The following TMEM131 variants were observed in gnomAD, a reference collection of about 807,000 sequenced individuals.
TMEM131 encodes the protein 2610524E03Rik.
Under a neutral mutation model 211.6 loss-of-function variants are expected in TMEM131, and 66 were observed. That is an observed-to-expected ratio of 0.31 (90% CI 0.26 to 0.38). TMEM131 has a LOEUF of 0.38. Among genes scored for constraint, TMEM131 ranks in the 10% least tolerant of loss-of-function variants. TMEM131 has a pLI of 1.00. For synonymous variants in TMEM131, 844 were observed against 841.3 expected (o/e 1.00, Z -0.06); for missense variants, 2,036 against 2,299.3 (o/e 0.89, Z 2.34).
chr2:97,953,098 C>T (rs1678398839), intron 1 of TMEM131, among the ~76,000 whole-genome samples: 1 of 152,070 alleles, frequency 6.6e-6, no homozygotes, highest in Non-Finnish European at 1.5e-5. Flanking sequence ...ATAAAGGAAA[C>T]AAGAGCAAAG....
At chr2:97,894,360 T>G (rs1269878500) in intron 3 of TMEM131, among the ~76,000 whole-genome samples, 2 of 152,136 alleles carry the variant, frequency 1.3e-5, no homozygotes, top group East Asian at 3.9e-4. Flanking sequence ...CTTGGCTACG[T>G]GGGTTCTTTT....
chr2:97,760,968 G>A (rs753312942), intron 36 of TMEM131, 54 bp from the exon 37 acceptor site: 85 of 1,601,322 alleles, frequency 5.3e-5, no homozygotes, highest in Non-Finnish European at 6.8e-5. Flanking sequence ...GCCCTGTCTC[G>A]GGGAGGTGTG....
intron 12 of TMEM131, among the ~76,000 whole-genome samples, chr2:97,816,384 C>T (rs1180797826): frequency 6.6e-6 from 1 of 152,124 alleles, no homozygotes; most frequent in Non-Finnish European, 1.5e-5. Context: ...TAAGGAATTA[C>T]AGAAATTGAT....
chr2:97,846,631 C>A (rs1559397811), intron 5 of TMEM131, among the ~76,000 whole-genome samples: 1 of 152,122 alleles, frequency 6.6e-6, no homozygotes, highest in African/African-American at 2.4e-5. Flanking sequence ...GAATTGGGCC[C>A]AACACAAATT....
At chr2:97,956,482 A>C (rs566058139) in intron 1 of TMEM131, among the ~76,000 whole-genome samples, 10 of 152,150 alleles carry the variant, frequency 6.6e-5, no homozygotes, top group Admixed American at 3.9e-4. Flanking sequence ...TCAGGGTACA[A>C]ATTAAAATTT....
At chr2:97,760,387 T>A in intron 38 of TMEM131, 1 of 588,664 alleles carries the variant, frequency 1.7e-6, no homozygotes, top group Non-Finnish European at 3.0e-6. Context: ...CCTTTCTCTA[T>A]CTGGACCCCC....
chr2:97,879,126 C>G (rs914728065), intron 4 of TMEM131, among the ~76,000 whole-genome samples: 3 of 152,208 alleles, frequency 2.0e-5, no homozygotes, highest in African/African-American at 7.2e-5. Flanking sequence ...GCTAGTTAGA[C>G]TGGGGAAAGG....
intron 11 of TMEM131, chr2:97,827,448 C>G (rs1430512984): frequency 1.9e-6 from 2 of 1,033,790 alleles, no homozygotes; most frequent in East Asian, 4.7e-5. Flanking sequence ...AAGTGGCTAA[C>G]CAAGAAACTA....
chr2:97,811,867 C>T (rs1317611787), intron 17 of TMEM131, among the ~76,000 whole-genome samples: 2 of 152,170 alleles, frequency 1.3e-5, no homozygotes, highest in South Asian at 2.1e-4. Flanking sequence ...ACTCCAAGTT[C>T]CCCTTTCAGT....
chr2:97,986,547 A>G (rs1680036176), intron 1 of TMEM131, among the ~76,000 whole-genome samples: 1 of 152,124 alleles, frequency 6.6e-6, no homozygotes, highest in South Asian at 2.1e-4. Context: ...TCCTTCCTAC[A>G]TCTCTCTTCA....
chr2:97,775,705 C>T, intron 32 of TMEM131, 138 bp downstream of exon 32: 1 of 973,212 alleles, frequency 1.0e-6, no homozygotes, highest in Non-Finnish European at 1.5e-6. Context: ...GCACAGGAAC[C>T]ATTCCTCAGT....
At chr2:97,991,105 A>C (rs1680243698) in intron 1 of TMEM131, among the ~76,000 whole-genome samples, 1 of 152,208 alleles carries the variant, frequency 6.6e-6, no homozygotes, top group Non-Finnish European at 1.5e-5. Context: ...CTTCACAATG[A>C]AATTATATTA....
At chr2:97,929,530 A>T (rs1343374423) in intron 1 of TMEM131, among the ~76,000 whole-genome samples, 2 of 151,742 alleles carry the variant, frequency 1.3e-5, no homozygotes, top group African/African-American at 4.9e-5. Flanking sequence ...GTGGACAGTC[A>T]AGCAGCAGAA....
chr2:97,911,696 A>T (rs1397445483), intron 2 of TMEM131: 1 of 978,618 alleles, frequency 1.0e-6, no homozygotes, highest in Admixed American at 6.2e-5. Flanking sequence ...TTAGAAAATC[A>T]GAAAATAAAT....
At chr2:97,922,768 T>C (rs984524419) in intron 2 of TMEM131, among the ~76,000 whole-genome samples, 31 of 152,172 alleles carry the variant, frequency 2.0e-4, no homozygotes, top group African/African-American at 6.8e-4. Context: ...AGGAGAGAGC[T>C]TGAGGGGAAA....
intron 31 of TMEM131, among the ~76,000 whole-genome samples, chr2:97,787,044 C>T (rs1228466020): frequency 6.6e-6 from 1 of 152,194 alleles, no homozygotes; most frequent in African/African-American, 2.4e-5. Context: ...GCTGATAGTA[C>T]CGTAACTAAA....
intron 3 of TMEM131, among the ~76,000 whole-genome samples, chr2:97,902,548 TTA>T (rs1413139834): frequency 2.0e-5 from 3 of 152,184 alleles, no homozygotes; most frequent in Non-Finnish European, 4.4e-5. Context: ...CTGTACATAT[TTA>T]TACACATAAA....
chr2:97,965,799 A>C (rs1211591969), intron 1 of TMEM131, among the ~76,000 whole-genome samples: 12 of 151,986 alleles, frequency 7.9e-5, no homozygotes, highest in African/African-American at 2.7e-4. Context: ...AGACAGGCTA[A>C]CTTCAAAAGC....
chr2:97,958,994 C>T (rs1332353245), intron 1 of TMEM131, among the ~76,000 whole-genome samples: 1 of 152,138 alleles, frequency 6.6e-6, no homozygotes, highest in Non-Finnish European at 1.5e-5. Context: ...TCAACAGTGT[C>T]AAAGACTATC....
Sources: allele counts gnomAD v4.1 joint callset (sites outside exome capture counted in the v4.1 genomes callset), GRCh38; gene constraint gnomAD v4.1.1; transcripts MANE v1.5; gene names NCBI Gene and HGNC (gene_info 2026-07-23, HGNC 2026-07-21).